KMT2C: variants seen among roughly 807,000 people sequenced by gnomAD.
The protein encoded by KMT2C is lysine methyltransferase 2C.
Under a neutral mutation model 507.9 loss-of-function variants are expected in KMT2C, and 88 were observed. The ratio of observed to expected loss-of-function variants is 0.17; its 90% CI spans 0.15 to 0.21. The LOEUF (loss-of-function observed/expected upper bound fraction) is 0.21. Among genes scored for constraint, KMT2C ranks in the 10% least tolerant of loss-of-function variants. The probability of loss-of-function intolerance (pLI) is 1.00; values close to 1 mark genes in which losing one functional copy is unlikely to be tolerated. For synonymous variants in KMT2C, 2,049 were observed against 2,080.8 expected, an observed-to-expected ratio of 0.98 and a Z score of 0.42; for missense variants, 4,954 against 5,957.8, an observed-to-expected ratio of 0.83 and a Z score of 5.55.
At chr7:152,193,529 G>A (rs1229496815) in intron 31 of KMT2C, among the ~76,000 whole-genome samples, 1 of 152,118 alleles carries the variant, frequency 6.6e-6, no homozygotes, top group Non-Finnish European at 1.5e-5. Context: ...CAATCTAAAG[G>A]GAAGACATAA....
intron 6 of KMT2C, among the ~76,000 whole-genome samples, chr7:152,280,058 G>A (rs1347568981): frequency 6.6e-6 from 1 of 152,306 alleles, no homozygotes; most frequent in Non-Finnish European, 1.5e-5. Flanking sequence ...TCAAAAGGGA[G>A]ATTTGCCTAA....
At chr7:152,305,716 C>A (rs2096610470) in intron 6 of KMT2C, among the ~76,000 whole-genome samples, 1 of 152,084 alleles carries the variant, frequency 6.6e-6, no homozygotes. Context: ...TAAAATTGGT[C>A]CAGTTCTTAG....
intron 1 of KMT2C, among the ~76,000 whole-genome samples, chr7:152,398,208 T>C (rs900982653): frequency 2.6e-5 from 4 of 152,212 alleles, no homozygotes; most frequent in African/African-American, 9.6e-5. Context: ...CGTTGAAATA[T>C]TGTTCCATAA....
chr7:152,190,466 C>A (rs1657844432), intron 31 of KMT2C, among the ~76,000 whole-genome samples: 1 of 152,050 alleles, frequency 6.6e-6, no homozygotes, highest in African/African-American at 2.4e-5. Flanking sequence ...TCATGAAAAC[C>A]CACTGAAATA....
At position 152,144,340 on chromosome 7, in the gene KMT2C, T is replaced by G. The variant is rs145469196; in HGVS notation, c.14343+373A>C. On this transcript the variant is annotated intron_variant, in intron 55 of 58. Transcript: ENST00000262189. The surrounding 1 kb of genome is among the most constrained non-coding windows in gnomAD (Gnocchi z 4.4). ...GTAGCTTCCAAAAGATAAGGTAACT[T>G]CCAAAATTGGTGTACCTTTGGAAAA... is the stretch of plus-strand genomic sequence containing the variant. Among the ~76,000 whole-genome samples, 181 of 152,314 alleles carry G rather than the reference T, an allele frequency of 1.2e-3. 2 individuals carry two copies. The highest frequency in any genetic ancestry group is 2.8e-3 in the Admixed American group (43 of 15,304).
At chr7:152,234,884 G>GA (rs937569126) in intron 16 of KMT2C, among the ~76,000 whole-genome samples, 20 of 149,096 alleles carry the variant, frequency 1.3e-4, no homozygotes, top group African/African-American at 2.2e-4. Flanking sequence ...ACCTGTCTCA[G>GA]AAAAAAAAAG....
At chr7:152,424,662 G>A (rs1393468314) in intron 1 of KMT2C, among the ~76,000 whole-genome samples, 3 of 152,148 alleles carry the variant, frequency 2.0e-5, no homozygotes, top group Non-Finnish European at 2.9e-5. Flanking sequence ...GGGCTCAAGT[G>A]TTCCACATGC....
intron 2 of KMT2C, among the ~76,000 whole-genome samples, chr7:152,337,435 A>G (rs1219571505): frequency 1.3e-5 from 2 of 152,196 alleles, no homozygotes; most frequent in Non-Finnish European, 2.9e-5. Flanking sequence ...TAAGTTCATA[A>G]CATACCCTCT....
chr7:152,245,319 C>T (rs1465428284), intron 14 of KMT2C, among the ~76,000 whole-genome samples: 1 of 152,110 alleles, frequency 6.6e-6, no homozygotes, highest in Non-Finnish European at 1.5e-5. Context: ...TGTCTTGCAT[C>T]GTCCAATAAG....
chr7:152,236,837 G>C (rs1252279724), intron 15 of KMT2C, among the ~76,000 whole-genome samples: 1 of 152,188 alleles, frequency 6.6e-6, no homozygotes, highest in Non-Finnish European at 1.5e-5. Flanking sequence ...GATTACAGGA[G>C]TAAGCCAAAG....
chr7:152,166,664 A>C (rs182504047), intron 42 of KMT2C, among the ~76,000 whole-genome samples: 216 of 152,278 alleles, frequency 1.4e-3, no homozygotes, highest in African/African-American at 4.8e-3. Context: ...TAAGACCAAA[A>C]CATTAAGAAA....
intron 31 of KMT2C, among the ~76,000 whole-genome samples, chr7:152,190,572 A>G (rs1354057007): frequency 2.0e-5 from 3 of 152,126 alleles, no homozygotes; most frequent in Non-Finnish European, 4.4e-5. Context: ...ATTTCTTCTT[A>G]TTTTATTCAA....
intron 23 of KMT2C, among the ~76,000 whole-genome samples, chr7:152,209,029 C>A (rs532830033): frequency 1.0e-3 from 152 of 151,962 alleles, no homozygotes; most frequent in Non-Finnish European, 1.7e-3. Context: ...CGTGGTGGTA[C>A]ACGCCTAAAA....
chr7:152,195,322 A>T (rs988096436), intron 28 of KMT2C, among the ~76,000 whole-genome samples: 3 of 152,210 alleles, frequency 2.0e-5, no homozygotes, highest in Admixed American at 6.5e-5. Context: ...TTAAAGAAAA[A>T]CTACTGAGAA....
intron 9 of KMT2C, among the ~76,000 whole-genome samples, chr7:152,262,382 G>A (rs2095795465): frequency 1.3e-5 from 2 of 152,302 alleles, no homozygotes; most frequent in East Asian, 1.9e-4. Context: ...GGAAGACTAA[G>A]CTTAAAAGCT....
intron 6 of KMT2C, among the ~76,000 whole-genome samples, chr7:152,302,721 A>C (rs983746109): frequency 1.1e-4 from 16 of 151,768 alleles, no homozygotes; most frequent in Admixed American, 1.3e-4. Context: ...AGCTCACTAC[A>C]ACCTCCACCT....
Position 152,248,121 on chromosome 7 carries a change from T to G in KMT2C, c.2313A>C (p.Ser771=), listed in dbSNP as rs2095506475. 1.2e-6 allele frequency: 2 copies of G among 1,614,102 alleles called. No homozygotes were observed. The highest frequency in any genetic ancestry group is 3.3e-5 in the Admixed American group (2 of 60,008). ...CTGCCTTGCTTATGTCTGCTGATGA[T>G]GAAAATGATGACTCTGTCTCAGATG... The part of the protein sequence containing the change: ...KLSSETESSF[S]SSADISKADV... Residue 771 remains serine, a synonymous_variant, in exon 14 of 59, where the codon TCA becomes TCC. Coordinates refer to ENST00000262189, the MANE Select transcript of KMT2C (RefSeq NM_170606.3).
At chr7:152,267,446 C>T (rs2095876138) in intron 7 of KMT2C, among the ~76,000 whole-genome samples, 1 of 152,212 alleles carries the variant, frequency 6.6e-6, no homozygotes, top group South Asian at 2.1e-4. Context: ...CCTGACCCAA[C>T]ACATCCAGCC....
intron 18 of KMT2C, among the ~76,000 whole-genome samples, chr7:152,228,970 T>C (rs2095023877): frequency 6.6e-6 from 1 of 152,196 alleles, no homozygotes; most frequent in South Asian, 2.1e-4. Flanking sequence ...CACAAAAACC[T>C]GTATTACCCT....
Sources: gnomAD v4.1 joint callset for allele counts (sites outside exome capture counted in the v4.1 genomes callset) on GRCh38, gnomAD v4.1.1 for gene constraint, Gnocchi (gnomAD v3.1) non-coding constraint, MANE v1.5 for transcripts, NCBI Gene and HGNC (gene_info 2026-07-23, HGNC 2026-07-21) for gene names.